The following AGAP3 variants were observed in gnomAD, a reference collection of about 807,000 sequenced individuals.
AGAP3 encodes ArfGAP with GTPase domain, ankyrin repeat and PH domain 3, also known as arf-GAP with GTPase, ANK repeat and PH domain-containing protein 3.
AGAP3 carries 24 observed loss-of-function variants against 96.9 expected under a neutral mutation model. That is an observed-to-expected ratio of 0.25 (90% CI 0.18 to 0.35). The LOEUF is 0.35. AGAP3 is among the 10% of genes least tolerant of loss of function. The pLI, the probability that AGAP3 is intolerant of heterozygous loss-of-function variation, is 1.00. For synonymous variants in AGAP3, 563 were observed against 536.1 expected (o/e 1.05, Z -0.69); for missense variants, 876 against 1,254.2 (o/e 0.70, Z 4.55).
chr7:151,136,933 A>G (rs1800616687), intron 11 of AGAP3, among the ~76,000 whole-genome samples: 1 of 152,190 alleles, frequency 6.6e-6, no homozygotes, highest in African/African-American at 2.4e-5. Context: ...CAGCCTCTAC[A>G]TGTTTCTTCG....
intron 1 of AGAP3, among the ~76,000 whole-genome samples, chr7:151,088,547 T>C (rs975259462): frequency 2.0e-5 from 3 of 152,262 alleles, no homozygotes; most frequent in African/African-American, 7.2e-5. Flanking sequence ...GCAGCTTCAC[T>C]GTCCTTGGAG....
At chr7:151,124,747 G>T (rs957633988) in intron 9 of AGAP3, among the ~76,000 whole-genome samples, 3 of 152,154 alleles carry the variant, frequency 2.0e-5, no homozygotes, top group Non-Finnish European at 4.4e-5. Flanking sequence ...TGTGGGGAGG[G>T]GCCAGTCGGT....
intron 8 of AGAP3, chr7:151,120,671 C>T (rs1012428686): frequency 6.3e-6 from 8 of 1,270,456 alleles, no homozygotes; most frequent in East Asian, 5.7e-5. Flanking sequence ...TTCCACCCAC[C>T]GCTGTGATTG....
intron 1 of AGAP3, among the ~76,000 whole-genome samples, chr7:151,088,094 G>T (rs1798233058): frequency 6.6e-6 from 1 of 152,264 alleles, no homozygotes; most frequent in Non-Finnish European, 1.5e-5. Flanking sequence ...GGAGTTATGG[G>T]CAGGGGCCTG....
rs752111513 is a variant in AGAP3 at position 151,143,688 on chromosome 7, T to A, written c.2530-49T>A. ...CTTCTTTCCTCCCCTACAACCAATCTCTCTCCTCCCATGTCTTGCCAACTG... is the reference window on the plus strand; with the variant it reads ...CTTCTTTCCTCCCCTACAACCAATCACTCTCCTCCCATGTCTTGCCAACTG... On this transcript the variant is annotated intron_variant, in intron 17 of 17. Transcript: ENST00000397238. The surrounding 1 kb of genome is among the most constrained non-coding windows in gnomAD (Gnocchi z 5.9). 6.2e-7 allele frequency: 1 copy of A among 1,611,220 alleles called. No homozygotes were observed. Among genetic ancestry groups the A allele is most frequent in the African/African-American group, 1.3e-5 (1 of 74,836 alleles).
At chr7:151,128,305 G>A (rs1800263940) in intron 9 of AGAP3, 2 of 450,142 alleles carry the variant, frequency 4.4e-6, no homozygotes, top group South Asian at 2.5e-5. Flanking sequence ...CTCCTGTCGA[G>A]GTGGCTCCAC....
At chr7:151,104,859 T>G in intron 1 of AGAP3, among the ~76,000 whole-genome samples, 1 of 152,140 alleles carries the variant, frequency 6.6e-6, no homozygotes, top group Middle Eastern at 3.4e-3. Flanking sequence ...AGGGGAAGGG[T>G]TGAAGAACGG....
chr7:151,124,674 G>A (rs1310175596), intron 9 of AGAP3, among the ~76,000 whole-genome samples: 5 of 152,204 alleles, frequency 3.3e-5, no homozygotes, highest in African/African-American at 7.2e-5. Context: ...TGAGCCTGGC[G>A]TGGCAAGGCC....
At chr7:151,119,193 A>G (rs1484452575) in intron 7 of AGAP3, 1 of 169,558 alleles carries the variant, frequency 5.9e-6, no homozygotes, top group African/African-American at 2.4e-5. Context: ...TCACTTCTGC[A>G]GTGGTCCCTG....
chr7:151,123,680 C>A, intron 8 of AGAP3, 114 bp from the exon 9 acceptor site: 1 of 1,567,782 alleles, frequency 6.4e-7, no homozygotes, highest in East Asian at 2.3e-5. Flanking sequence ...CCGGCCCGAC[C>A]CACTGCTAGG....
intron 8 of AGAP3, chr7:151,122,879 GCGGC>G: frequency 6.4e-7 from 1 of 1,558,924 alleles, no homozygotes; most frequent in African/African-American, 1.4e-5. Context: ...CAGATGAGAA[GCGGC>G]CGCCGAGCTC....
upstream of AGAP3, among the ~76,000 whole-genome samples, chr7:151,086,288 G>A (rs569960432): frequency 6.6e-6 from 1 of 150,440 alleles, no homozygotes; most frequent in South Asian, 2.1e-4. Flanking sequence ...GCTGGAGCGC[G>A]CGGCTCGGGG....
Position 151,118,197 on chromosome 7 carries a change from C to T in AGAP3, c.707-13C>T. On this transcript the variant is annotated splice_polypyrimidine_tract_variant and intron_variant, in intron 5 of 17. Coordinates refer to ENST00000397238, the MANE Select transcript of AGAP3 (RefSeq NM_031946.7). This position sits in a 1 kb window ranked among gnomAD's most constrained non-coding sequence, Gnocchi z 6.1. The stretch of plus-strand genomic sequence containing the variant: ...CGAAAGCTGAATGACTCCCGCCCTC[C>T]CACCTCCAACAGATGCCATCAGCGC... 6.3e-7 allele frequency: 1 copy of T among 1,598,958 alleles called. No homozygotes were observed. The highest frequency in any genetic ancestry group is 8.6e-7 in the Non-Finnish European group (1 of 1,169,412).
In AGAP3 at chr7:151,098,002, C is replaced by G. The variant is rs192453018; in HGVS notation, c.331+10930C>G. On this transcript the variant is annotated intron_variant, in intron 1 of 17. Transcript: ENST00000397238. ...ATGGGACTGGCCATGTTTGCAGTGC[C>G]CCCTGGCCATACCAGGCCAGTGGCT... 5.5e-3 allele frequency among the ~76,000 whole-genome samples: 840 copies of G among 152,250 alleles called. 8 individuals are homozygous for G. Among genetic ancestry groups the G allele is most frequent in the African/African-American group, 0.019 (782 of 41,536 alleles).
In AGAP3 at chr7:151,107,812, G is replaced by A. The variant is rs373966757; in HGVS notation, c.332-8981G>A. Among the ~76,000 whole-genome samples, 13 of 152,298 alleles carry A rather than the reference G, an allele frequency of 8.5e-5. No individual in the cohort carries two copies. In the East Asian group the frequency reaches 1.9e-3, roughly 23 times the overall value. ...AGAGAGAACCACATTTTTAAATGTC[G>A]AAAGTGTAGGCGATGGGTCAGTTAT... On this transcript the variant is annotated intron_variant, in intron 1 of 17. Transcript: ENST00000397238.
intron 1 of AGAP3, among the ~76,000 whole-genome samples, chr7:151,115,811 G>C (rs1799549219): frequency 6.6e-6 from 1 of 152,218 alleles, no homozygotes; most frequent in African/African-American, 2.4e-5. Context: ...TGGCCGAGGA[G>C]GACAGGCCGG....
At chr7:151,090,801 G>A (rs60987133) in intron 1 of AGAP3, among the ~76,000 whole-genome samples, 54,508 of 151,914 alleles carry the variant, frequency 0.36, 10,847 homozygotes, top group Non-Finnish European at 0.44. Flanking sequence ...AAAATTAGCC[G>A]GGCGTGGTGG....
In AGAP3 at chr7:151,096,212, C is replaced by T. The variant is rs528397501; in HGVS notation, c.331+9140C>T. Among the ~76,000 whole-genome samples the T allele has an allele frequency of 1.4e-3, 211 of 152,282 alleles. No homozygotes were observed. Among genetic ancestry groups the T allele is most frequent in the African/African-American group, 4.7e-3 (196 of 41,552 alleles). ...TGTCATCACCGCCTGCGTGGGGATG[C>T]GTGAGGTGAGGGCTGCATGAGATCA... is the stretch of plus-strand genomic sequence containing the variant. On this transcript the variant is annotated intron_variant, in intron 1 of 17. Coordinates refer to ENST00000397238, the MANE Select transcript of AGAP3 (RefSeq NM_031946.7). The surrounding 1 kb of genome is among the most constrained non-coding windows in gnomAD (Gnocchi z 4.4).
intron 9 of AGAP3, among the ~76,000 whole-genome samples, chr7:151,127,931 G>C (rs1800244602): frequency 6.6e-6 from 1 of 152,208 alleles, no homozygotes; most frequent in African/African-American, 2.4e-5. Context: ...CAGGCTCCTT[G>C]TTGTGGCACT....
Sources: gnomAD v4.1 joint callset for allele counts (sites outside exome capture counted in the v4.1 genomes callset) on GRCh38, gnomAD v4.1.1 for gene constraint, Gnocchi (gnomAD v3.1) non-coding constraint, MANE v1.5 for transcripts, NCBI Gene and HGNC (gene_info 2026-07-23, HGNC 2026-07-21) for gene names.